Variants in GALNT5 observed in about 807,000 individuals in gnomAD.
GALNT5 encodes the protein UDP-GalNAc:polypeptide N-acetylgalactosaminyltransferase 5.
GALNT5 carries 72 observed loss-of-function variants against 85.4 expected under a neutral mutation model. The ratio of observed to expected loss-of-function variants is 0.84; its 90% CI spans 0.70 to 1.03. GALNT5 has a LOEUF of 1.03. Among genes scored for constraint, GALNT5 ranks in the 50% least tolerant of loss-of-function variants. The pLI is 0.00. For missense variants in GALNT5, 1,137 were observed against 1,135.5 expected (o/e 1.00, Z -0.02); for synonymous variants, 404 against 397.0 (o/e 1.02, Z -0.21).
rs375518579 is a variant in GALNT5, at chr2:157,258,778, G to A, written c.696G>A (p.Gln232=). The stretch of plus-strand genomic sequence containing the variant: ...CTGATAGACCAAAGCAGCGATCACA[G>A]GCAGTAGCAAACGAGAGGGCACACC... The part of the protein sequence containing the change: ...LSTDRPKQRS[Q]AVANERAHPA... Residue 232 remains glutamine, a synonymous_variant, in exon 1 of 10, where the codon CAG becomes CAA. Transcript: ENST00000259056. 9 of 1,608,616 alleles carry A rather than the reference G, an allele frequency of 5.6e-6. No individual in the cohort carries two copies. The African/African-American group carries it at 9.4e-5, about 17-fold the overall frequency.
chr2:157,261,808 G>T (rs527604663), intron 1 of GALNT5, among the ~76,000 whole-genome samples: 4 of 152,190 alleles, frequency 2.6e-5, no homozygotes, highest in Non-Finnish European at 5.9e-5. Context: ...GGCAAGATTT[G>T]GAGTGTTTTT....
At chr2:157,304,554 G>A (rs1462811859) in intron 7 of GALNT5, among the ~76,000 whole-genome samples, 2 of 152,080 alleles carry the variant, frequency 1.3e-5, no homozygotes, top group African/African-American at 2.4e-5. Context: ...TTTGCTAATG[G>A]GCAAATTGTT....
chr2:157,284,569 C>T, intron 2 of GALNT5, 121 bp downstream of exon 2: 1 of 723,866 alleles, frequency 1.4e-6, no homozygotes, highest in East Asian at 2.7e-5. Context: ...CGTACAAATG[C>T]TTTGTTTTAC....
rs146330897 is a variant in GALNT5 at position 157,300,911 on chromosome 2, G to A, written c.2351G>A (p.Arg784Gln). The change falls in exon 7 of 10, where the codon CGA (arginine) becomes CAA (glutamine). Residue 784 changes from arginine (R) to glutamine (Q), a missense_variant. By Grantham distance (43) the Arg-to-Gln change is conservative. Coordinates refer to ENST00000259056, the MANE Select transcript of GALNT5 (RefSeq NM_014568.3). ...VGNLTQQREL[R>Q]KKLKCKSFKW... Reference sequence around the variant, plus strand: ...AACCTCACCCAGCAAAGGGAGCTGCGAAAGAAACTGAAGTGCAAAAGTTTC... The same window carrying A: ...AACCTCACCCAGCAAAGGGAGCTGCAAAAGAAACTGAAGTGCAAAAGTTTC... The A allele has an allele frequency of 3.7e-5, 59 of 1,613,944 alleles. No homozygotes were observed. The highest frequency in any genetic ancestry group is 6.6e-5 in the South Asian group (6 of 91,080).
At chr2:157,288,671 G>C (rs1176778504) in intron 3 of GALNT5, among the ~76,000 whole-genome samples, 5 of 152,192 alleles carry the variant, frequency 3.3e-5, no homozygotes, top group Non-Finnish European at 7.3e-5. Context: ...ATTATTCTCA[G>C]TATAAGGTGA....
Position 157,310,682 on chromosome 2 carries a change from C to T in GALNT5, c.2683-526C>T, listed in dbSNP as rs74606500. Among the ~76,000 whole-genome samples the T allele has an allele frequency of 9.4e-3, 1,430 of 152,232 alleles. 19 individuals are homozygous for T. Among genetic ancestry groups the T allele is most frequent in the African/African-American group, 0.032 (1,329 of 41,554 alleles). ...AAATATTAAGCAATAATATAACTTT[C>T]TTTAATGCTGTTGACTTTTTCCTAA... On this transcript the variant is annotated intron_variant, in intron 9 of 9. Transcript: ENST00000259056.
rs751792206 is a variant in GALNT5, at chr2:157,308,771, T to A, written c.2682+43T>A. 48 of 1,517,600 alleles carry A rather than the reference T, an allele frequency of 3.2e-5. No individual in the cohort carries two copies. The African/African-American group carries it at 6.1e-4, about 19-fold the overall frequency. The allele number at this position is 1,517,600 out of a possible 1,614,324, so 94.0% of individuals were successfully genotyped here. ...ACCTCTTCTTTACCACAAATTTGACTTTTGATCAAATAGGACATAAAATTC... is the reference window on the plus strand; with the variant it reads ...ACCTCTTCTTTACCACAAATTTGACATTTGATCAAATAGGACATAAAATTC... On this transcript the variant is annotated intron_variant, in intron 9 of 9. Transcript: ENST00000259056.
chr2:157,317,194 A>AT lies in GALNT5; in HGVS notation c.*5847dup, dbSNP rs1203725844. Among the ~76,000 whole-genome samples the AT allele has an allele frequency of 3.3e-4, 44 of 132,818 alleles. No individual in the cohort carries two copies. Among genetic ancestry groups the AT allele is most frequent in the African/African-American group, 8.3e-4 (25 of 29,958 alleles). 87.1% of individuals were successfully genotyped at this position (132,818 alleles called of 152,430 possible). A position where few individuals can be genotyped will look rare whatever the true frequency, so the allele number is the denominator to read the frequency against. Reference sequence around the variant, plus strand: ...TGTGTGTATATATATATATATATATATATATTTTTTTTTTTGATGCTTTGA... The same window carrying AT: ...TGTGTGTATATATATATATATATATATTATATTTTTTTTTTTGATGCTTTGA... On this transcript the variant is annotated 3_prime_UTR_variant, in exon 10 of 10. Transcript: ENST00000259056.
At chr2:157,306,456 C>T (rs758270308) in intron 8 of GALNT5, among the ~76,000 whole-genome samples, 20 of 152,250 alleles carry the variant, frequency 1.3e-4, no homozygotes, top group Non-Finnish European at 2.2e-4. Flanking sequence ...TAGAGGGAGT[C>T]GGGCCAGGAA....
rs778305097 is a variant in GALNT5, at chr2:157,296,412, C to T, written c.1896C>T (p.Asn632=). ...GGATTAGTTACATGACAGTGGATAA[C>T]TTTCAAAGAGGCATCTTTGTGTGGC... is the stretch of plus-strand genomic sequence containing the variant. ...DKDMSYMTVD[N]FQRGIFVWPM... Residue 632 remains asparagine (N), a synonymous_variant, in exon 5 of 10, where the codon AAC becomes AAT. Coordinates refer to ENST00000259056, the MANE Select transcript of GALNT5 (RefSeq NM_014568.3). 10 of 1,610,074 alleles carry T rather than the reference C, an allele frequency of 6.2e-6. No homozygotes were observed. Among genetic ancestry groups the T allele is most frequent in the Non-Finnish European group, 7.7e-6 (9 of 1,176,468 alleles).
rs190346302 is a variant in GALNT5 at position 157,317,247 on chromosome 2, C to T, written c.*5899C>T. On this transcript the variant is annotated 3_prime_UTR_variant, in exon 10 of 10. Transcript: ENST00000259056. ...TGGAAGAAAGAAATATCAAGAGTTT[C>T]TATTCACAACATAAAGAAAATAAAA... Among the ~76,000 whole-genome samples, 914 of 145,254 alleles carry T rather than the reference C, an allele frequency of 6.3e-3. 1 individual carries two copies. The highest frequency in any genetic ancestry group is 0.01 in the Non-Finnish European group (684 of 66,674).
intron 7 of GALNT5, among the ~76,000 whole-genome samples, chr2:157,304,144 G>A (rs961152685): frequency 3.3e-5 from 5 of 152,090 alleles, no homozygotes; most frequent in African/African-American, 1.2e-4. Context: ...TTTAAGCCCC[G>A]AGATTATTCT....
chr2:157,291,605 C>T (rs1306464771), intron 3 of GALNT5, among the ~76,000 whole-genome samples: 2 of 150,676 alleles, frequency 1.3e-5, no homozygotes, highest in East Asian at 3.9e-4. Context: ...AAATTTTTGG[C>T]ACATTGAACA....
Position 157,300,865 on chromosome 2 carries a change from G to A in GALNT5, c.2305G>A (p.Asp769Asn), listed in dbSNP as rs148260459. Residue 769 changes from aspartate (D) to asparagine (N), a missense_variant, in exon 7 of 10, where the codon GAC becomes AAC. Coordinates refer to ENST00000259056, the MANE Select transcript of GALNT5 (RefSeq NM_014568.3). ...CTATGGCCACGGAGACCACCTCATCGACCAAGGGCTAGATGTTGGCAACCT... is the reference window on the plus strand; with the variant it reads ...CTATGGCCACGGAGACCACCTCATCAACCAAGGGCTAGATGTTGGCAACCT... The part of the protein sequence containing the change: ...LFYGHGDHLI[D>N]QGLDVGNLTQ... 92 of 1,613,814 alleles carry A rather than the reference G, an allele frequency of 5.7e-5. No individual in the cohort carries two copies. Among genetic ancestry groups the A allele is most frequent in the Middle Eastern group, 1.6e-4 (1 of 6,084 alleles).
At chr2:157,278,014 CTGG>C (rs1354650995) in intron 1 of GALNT5, among the ~76,000 whole-genome samples, 3 of 152,120 alleles carry the variant, frequency 2.0e-5, no homozygotes, top group African/African-American at 7.2e-5. Context: ...TAAGGCAGGC[CTGG>C]TGGTGACAAA....
At chr2:157,303,625 A>G (rs1241542042) in intron 7 of GALNT5, among the ~76,000 whole-genome samples, 1 of 150,268 alleles carries the variant, frequency 6.7e-6, no homozygotes, top group African/African-American at 2.5e-5. Flanking sequence ...TTCAGAGATG[A>G]TGTCTATATG....
At chr2:157,303,650 G>T (rs1683394777) in intron 7 of GALNT5, among the ~76,000 whole-genome samples, 1 of 152,070 alleles carries the variant, frequency 6.6e-6, no homozygotes, top group African/African-American at 2.4e-5. Context: ...AAAGTATTAG[G>T]TTGGTGTAAA....
At chr2:157,307,853 ATAG>A (rs1205460454) in intron 8 of GALNT5, among the ~76,000 whole-genome samples, 3 of 152,208 alleles carry the variant, frequency 2.0e-5, no homozygotes, top group African/African-American at 4.8e-5. Flanking sequence ...CGGGTAGACA[ATAG>A]TAGGTTGTAA....
At chr2:157,306,347 T>C (rs753792914) in intron 8 of GALNT5, among the ~76,000 whole-genome samples, 4 of 152,178 alleles carry the variant, frequency 2.6e-5, no homozygotes, top group Non-Finnish European at 5.9e-5. Flanking sequence ...TTCCCCTCAT[T>C]TTCCCGCATT....
Sources: gnomAD v4.1 joint callset for allele counts (sites outside exome capture counted in the v4.1 genomes callset) on GRCh38, gnomAD v4.1.1 for gene constraint, MANE v1.5 for transcripts, NCBI Gene and HGNC (gene_info 2026-07-23, HGNC 2026-07-21) for gene names.